The following CNDP2 variants were observed in gnomAD, a reference collection of about 807,000 sequenced individuals.
CNDP2 encodes cytosolic non-specific dipeptidase.
Under a neutral mutation model 55.0 loss-of-function variants are expected in CNDP2, and 38 were observed. The ratio of observed to expected loss-of-function variants is 0.69; its 90% confidence interval spans 0.53 to 0.90. The LOEUF is 0.90. Among genes scored for constraint, CNDP2 ranks in the 40% least tolerant of loss-of-function variants. The pLI is 0.00. For synonymous variants in CNDP2, 241 were observed against 260.2 expected (o/e 0.93, Z 0.71); for missense variants, 607 against 621.7 (o/e 0.98, Z 0.25).
At chr18:74,498,910 G>A (rs1261502039) in intron 1 of CNDP2, among the ~76,000 whole-genome samples, 1 of 152,208 alleles carries the variant, frequency 6.6e-6, no homozygotes, top group Non-Finnish European at 1.5e-5. Flanking sequence ...AACTTGCAGT[G>A]CCCTGCGATT....
rs116625509 is a variant in CNDP2 at position 74,518,323 on chromosome 18, T to C, written c.1069-176T>C. On this transcript the variant is annotated intron_variant, in intron 9 of 11. Transcript: ENST00000324262. ...TCCTTACTCTAGTTATGTAGCTCAG[T>C]ATTAAGCAACAGAAAATGAGACTCA... is the stretch of plus-strand genomic sequence containing the variant. 4.0e-4 allele frequency: 245 copies of C among 610,878 alleles called. 1 individual carries two copies. The African/African-American group carries it at 4.0e-3, about 10-fold the overall frequency. 37.8% of individuals were successfully genotyped at this position (610,878 alleles called of 1,614,324 possible).
At chr18:74,512,631 A>G (rs575293458) in intron 7 of CNDP2, 99 bp downstream of exon 7, 1 of 960,488 alleles carries the variant, frequency 1.0e-6, no homozygotes, top group Admixed American at 2.1e-5. Flanking sequence ...TCAGCATTCC[A>G]CATGAACCAA....
intron 6 of CNDP2, chr18:74,511,240 CA>C: frequency 1.8e-6 from 1 of 557,174 alleles, no homozygotes; most frequent in Non-Finnish European, 3.2e-6. Context: ...CAAGGTAGGA[CA>C]GTGTGATTTG....
At chr18:74,498,222 C>CT in intron 1 of CNDP2, among the ~76,000 whole-genome samples, 1 of 152,240 alleles carries the variant, frequency 6.6e-6, no homozygotes. Context: ...ACATCCTGAG[C>CT]TGCGCTCACA....
chr18:74,501,367 G>T lies in CNDP2; in HGVS notation c.99G>T (p.Ala33=). The change falls in exon 3 of 12, where the codon GCG becomes GCT. Residue 33 remains alanine, a synonymous_variant. Transcript: ENST00000324262. ...AKWVAIQSVS[A]WPEKRGEIRR... is the part of the protein sequence containing the mutation. ...GGGTGGCTATCCAGAGTGTGTCTGC[G>T]TGGCCGGAGAAGAGAGGCGAAATCA... 1 of 1,614,098 alleles carries T rather than the reference G, an allele frequency of 6.2e-7. No homozygotes were observed.
At chr18:74,506,107 T>G in intron 4 of CNDP2, 96 bp downstream of exon 4, 1 of 1,031,748 alleles carries the variant, frequency 9.7e-7, no homozygotes, top group Non-Finnish European at 1.3e-6. Context: ...CAGACTGTTT[T>G]TATTTTATTT....
chr18:74,516,984 GCTTACGTGGCAGACGCGATA>G (rs1979709409), intron 9 of CNDP2: 1 of 44,872 alleles, frequency 2.2e-5, no homozygotes, highest in South Asian at 7.4e-4. Flanking sequence ...AGACGCGGTA[GCTTACGTGGCAGACGCGATA>G]GCTTACGTGG....
chr18:74,501,441 C>G lies in CNDP2; in HGVS notation c.173C>G (p.Ser58Cys), dbSNP rs770696030. The change falls in exon 3 of 12, where the codon TCT (serine) becomes TGT (cysteine). Residue 58 changes from serine to cysteine, a missense_variant. Physicochemically the swap from Ser to Cys is moderately radical, Grantham distance 112. Coordinates refer to ENST00000324262, the MANE Select transcript of CNDP2 (RefSeq NM_018235.3). ...GCAGATGTTAAGCAGTTGGGGGGCT[C>G]TGTGGAACTGGTGGATATCGGAAAA... is the stretch of plus-strand genomic sequence containing the variant. Reference protein sequence around the residue: ...AAADVKQLGGSVELVDIGKQK... With the variant: ...AAADVKQLGGCVELVDIGKQK... 4 of 1,613,950 alleles carry G rather than the reference C, an allele frequency of 2.5e-6. No homozygotes were observed. The South Asian group carries it at 4.4e-5, about 18-fold the overall frequency.
intron 3 of CNDP2, among the ~76,000 whole-genome samples, chr18:74,502,843 G>C (rs1978786325): frequency 6.6e-6 from 1 of 152,152 alleles, no homozygotes; most frequent in African/African-American, 2.4e-5. Flanking sequence ...AGGCCAGGCA[G>C]CTCTGTCCAC....
Position 74,516,398 on chromosome 18 carries a change from T to G in CNDP2, c.1068+6T>G. On this transcript the variant is annotated splice_donor_region_variant and intron_variant, in intron 9 of 11. Transcript: ENST00000324262. ...CTGAAGTCGTCGGCGAGCAGGCATG[T>G]GGGGCTGGGACACGGGGTGGGGGCC... 2 of 1,604,352 alleles carry G rather than the reference T, an allele frequency of 1.2e-6. No individual in the cohort carries two copies. Among genetic ancestry groups the G allele is most frequent in the African/African-American group, 1.3e-5 (1 of 74,768 alleles).
chr18:74,497,433 A>G (rs1978473400), intron 1 of CNDP2: 1 of 152,210 alleles, frequency 6.6e-6, no homozygotes, highest in Non-Finnish European at 1.5e-5. Flanking sequence ...TGTACTACTG[A>G]CGGTTCCAGG....
chr18:74,517,971 T>C (rs945685720), intron 9 of CNDP2: 4 of 152,278 alleles, frequency 2.6e-5, no homozygotes, highest in Non-Finnish European at 5.9e-5. Flanking sequence ...TTTTATTTTT[T>C]GATAAGAAGT....
At chr18:74,498,365 A>G (rs1978517525) in intron 1 of CNDP2, among the ~76,000 whole-genome samples, 1 of 152,164 alleles carries the variant, frequency 6.6e-6, no homozygotes, top group Non-Finnish European at 1.5e-5. Context: ...GTATTTGTGT[A>G]TCTAAACATA....
At chr18:74,501,895 A>T (rs909243678) in intron 3 of CNDP2, among the ~76,000 whole-genome samples, 3 of 151,550 alleles carry the variant, frequency 2.0e-5, no homozygotes, top group Non-Finnish European at 4.4e-5. Context: ...TTATTTTTTT[A>T]TTTTTTTTAT....
chr18:74,513,504 G>C lies in CNDP2; in HGVS notation c.743-55G>C, dbSNP rs2241510. On this transcript the variant is annotated intron_variant, in intron 7 of 11. Coordinates refer to ENST00000324262, the MANE Select transcript of CNDP2 (RefSeq NM_018235.3). ...CCTGGGGTCGGTGCAGGAAAGAGCA[G>C]CTCGCCTTGGTGCGGCCTCCCCTGA... The C allele has an allele frequency of 4.5e-6, 7 of 1,539,496 alleles. No homozygotes were observed. In the African/African-American group the frequency reaches 9.5e-5, roughly 21 times the overall value.
chr18:74,518,241 A>G lies in CNDP2; in HGVS notation c.1069-258A>G, dbSNP rs113269116. 3.0e-3 allele frequency: 894 copies of G among 293,154 alleles called. 3 individuals carry two copies. The highest frequency in any genetic ancestry group is 0.014 in the East Asian group (204 of 14,206). 18.2% of individuals were successfully genotyped at this position (293,154 alleles called of 1,614,324 possible). On this transcript the variant is annotated intron_variant, in intron 9 of 11. Coordinates refer to ENST00000324262, the MANE Select transcript of CNDP2 (RefSeq NM_018235.3). ...CACGCCACTGTGCTCCAGCCTGGAC[A>G]ACAGAGCGAGACTCCATCTCAGAAA...
At chr18:74,500,072 T>C in intron 2 of CNDP2, 39 bp downstream of exon 2, 1 of 1,560,852 alleles carries the variant, frequency 6.4e-7, no homozygotes, top group African/African-American at 1.4e-5. Context: ...TAAAATCTGA[T>C]TTAATCCCAT....
At position 74,521,387 on chromosome 18, in the gene CNDP2, G is replaced by T. The variant is rs1450597892; in HGVS notation, c.*1319G>T. Reference sequence around the variant, plus strand: ...GTCCAGCTGGCTTAAACAAAGAATTGATTGGCCCACTTGACATAAAAGAAC... The same window carrying T: ...GTCCAGCTGGCTTAAACAAAGAATTTATTGGCCCACTTGACATAAAAGAAC... On this transcript the variant is annotated 3_prime_UTR_variant, in exon 12 of 12. Coordinates refer to ENST00000324262, the MANE Select transcript of CNDP2 (RefSeq NM_018235.3). The T allele has an allele frequency of 6.6e-6, 1 of 152,226 alleles. No homozygotes were observed. Among genetic ancestry groups the T allele is most frequent in the Non-Finnish European group, 1.5e-5 (1 of 68,064 alleles). The allele number at this position is 152,226 out of a possible 1,614,324, so 9.4% of individuals were successfully genotyped here. A position where few individuals can be genotyped will look rare whatever the true frequency, so the allele number is the denominator to read the frequency against.
chr18:74,509,231 G>C (rs1359667920), intron 5 of CNDP2: 9 of 364,700 alleles, frequency 2.5e-5, no homozygotes, highest in African/African-American at 1.6e-4. Flanking sequence ...TGTGAGTGTG[G>C]TCCCTTGCCA....
Sources: allele counts gnomAD v4.1 joint callset (sites outside exome capture counted in the v4.1 genomes callset), GRCh38; gene constraint gnomAD v4.1.1; transcripts MANE v1.5; gene names NCBI Gene and HGNC (gene_info 2026-07-23, HGNC 2026-07-21).